ZFTA: variants seen among roughly 807,000 people sequenced by gnomAD.
ZFTA encodes zinc finger translocation associated.
Under a neutral mutation model 41.8 loss-of-function variants are expected in ZFTA, and 35 were observed. That is an observed-to-expected ratio of 0.84 (90% CI 0.64 to 1.11). ZFTA has a LOEUF of 1.11. Among genes scored for constraint, ZFTA ranks in the 50% most tolerant of loss-of-function variants. The pLI, the probability that ZFTA is intolerant of heterozygous loss-of-function variation, is 0.00. For synonymous variants in ZFTA, 514 were observed against 436.4 expected, an observed-to-expected ratio of 1.18 and a Z score of -2.22; for missense variants, 964 against 989.8, an observed-to-expected ratio of 0.97 and a Z score of 0.35.
At chr11:63,768,259 T>C (rs2014779135) in intron 1 of ZFTA, among the ~76,000 whole-genome samples, 1 of 148,654 alleles carries the variant, frequency 6.7e-6, no homozygotes, top group African/African-American at 2.5e-5. Flanking sequence ...AGCGGGGCCC[T>C]TTAAGGGGGA....
chr11:63,763,460 G>A lies in ZFTA; in HGVS notation c.1995C>T (p.Asp665=). 3.4e-6 allele frequency: 5 copies of A among 1,460,380 alleles called. No homozygotes were observed. The South Asian group carries it at 4.0e-5, about 12-fold the overall frequency. 90.5% of individuals were successfully genotyped at this position (1,460,380 alleles called of 1,614,324 possible). A position where few individuals can be genotyped will look rare whatever the true frequency, so the allele number is the denominator to read the frequency against. Residue 665 remains aspartate, a synonymous_variant, in exon 5 of 5, where the codon GAC becomes GAT. Coordinates refer to ENST00000433688, the MANE Select transcript of ZFTA (RefSeq NM_001144936.2). ...GFGPPAPAPR[D]GGADLKSGAV... is the part of the protein sequence containing the mutation. ...CGCCAGACTTGAGGTCCGCGCCGCC[G>A]TCACGCGGCGCCGGGGCGGGCGGCC...
At chr11:63,768,319 C>G (rs1302843181) in intron 1 of ZFTA, among the ~76,000 whole-genome samples, 165 bp downstream of exon 1, 1 of 149,658 alleles carries the variant, frequency 6.7e-6, no homozygotes, top group African/African-American at 2.4e-5. Context: ...GGGCGGGGGG[C>G]TCCCCCGCCA....
At chr11:63,767,727 T>C (rs1353309243) in intron 1 of ZFTA, among the ~76,000 whole-genome samples, 1 of 152,160 alleles carries the variant, frequency 6.6e-6, no homozygotes, top group Non-Finnish European at 1.5e-5. Context: ...GGCGTGACCC[T>C]GCAGCCGGGA....
intron 1 of ZFTA, 109 bp downstream of exon 1, chr11:63,768,375 C>T: frequency 1.5e-6 from 1 of 688,646 alleles, no homozygotes; most frequent in Middle Eastern, 6.9e-4. Context: ...CCCCCGGCCG[C>T]CCTGCCCGCG....
In ZFTA at chr11:63,762,869, C is replaced by A. The variant is rs1172011239; in HGVS notation, c.*549G>T. 1 of 152,130 alleles carries A rather than the reference C, an allele frequency of 6.6e-6. No individual in the cohort carries two copies. The highest frequency in any genetic ancestry group is 1.5e-5 in the Non-Finnish European group (1 of 68,012). 9.4% of individuals were successfully genotyped at this position (152,130 alleles called of 1,614,324 possible). A position where few individuals can be genotyped will look rare whatever the true frequency, so the allele number is the denominator to read the frequency against. Reference sequence around the variant, plus strand: ...TGCGGCCCAGCCTCCCGCTGGAAGCCCCAGTCCGCAGCCGGGGCCTCCGAG... The same window carrying A: ...TGCGGCCCAGCCTCCCGCTGGAAGCACCAGTCCGCAGCCGGGGCCTCCGAG... On this transcript the variant is annotated 3_prime_UTR_variant, in exon 5 of 5. Transcript: ENST00000433688.
Position 63,760,354 on chromosome 11 carries a change from A to C in ZFTA, c.*3064T>G, listed in dbSNP as rs1336839624. On this transcript the variant is annotated 3_prime_UTR_variant, in exon 5 of 5. Transcript: ENST00000433688. ...CTTCTCCTAAACTAAGGCTGCTGTG[A>C]CCCTTAAGCTGGCTTTTAAAAATGT... is the stretch of plus-strand genomic sequence containing the variant. 1 of 152,190 alleles carries C rather than the reference A, an allele frequency of 6.6e-6. No homozygotes were observed. Among genetic ancestry groups the C allele is most frequent in the African/African-American group, 2.4e-5 (1 of 41,450 alleles). 9.4% of individuals were successfully genotyped at this position (152,190 alleles called of 1,614,324 possible). A position where few individuals can be genotyped will look rare whatever the true frequency, so the allele number is the denominator to read the frequency against.
chr11:63,765,327 C>T lies in ZFTA; in HGVS notation c.638-73G>A. On this transcript the variant is annotated intron_variant, in intron 2 of 4. Coordinates refer to ENST00000433688, the MANE Select transcript of ZFTA (RefSeq NM_001144936.2). This position sits in a 1 kb window ranked among gnomAD's most constrained non-coding sequence, Gnocchi z 4.0. ...ATACCCACTACAGCCAGGTCTCCCACAAGCCTCTCACTCACTTGGGCCCCA... is the reference window on the plus strand; with the variant it reads ...ATACCCACTACAGCCAGGTCTCCCATAAGCCTCTCACTCACTTGGGCCCCA... 2.2e-6 allele frequency: 3 copies of T among 1,389,322 alleles called. No individual in the cohort carries two copies. The South Asian group carries it at 4.7e-5, about 22-fold the overall frequency. The allele number at this position is 1,389,322 out of a possible 1,614,324, so 86.1% of individuals were successfully genotyped here. A position where few individuals can be genotyped will look rare whatever the true frequency, so the allele number is the denominator to read the frequency against.
chr11:63,761,874 T>C lies in ZFTA; in HGVS notation c.*1544A>G, dbSNP rs952153948. 1 of 152,302 alleles carries C rather than the reference T, an allele frequency of 6.6e-6. No homozygotes were observed. Among genetic ancestry groups the C allele is most frequent in the Admixed American group, 6.5e-5 (1 of 15,286 alleles). 9.4% of individuals were successfully genotyped at this position (152,302 alleles called of 1,614,324 possible). A position where few individuals can be genotyped will look rare whatever the true frequency, so the allele number is the denominator to read the frequency against. On this transcript the variant is annotated 3_prime_UTR_variant, in exon 5 of 5. Transcript: ENST00000433688. ...GAGGAGGGGCCTCCTCTTTGCCCTC[T>C]GCTTTCCCACTCCTGGGCTCTGGCC...
chr11:63,768,425 G>T, intron 1 of ZFTA, 59 bp downstream of exon 1: 1 of 1,029,804 alleles, frequency 9.7e-7, no homozygotes, highest in Non-Finnish European at 1.2e-6. Context: ...GCCCCGAGCC[G>T]CAGCCCTCCC....
chr11:63,761,544 T>G lies in ZFTA; in HGVS notation c.*1874A>C, dbSNP rs548744962. 16 of 152,286 alleles carry G rather than the reference T, an allele frequency of 1.1e-4. No homozygotes were observed. Among genetic ancestry groups the G allele is most frequent in the African/African-American group, 3.6e-4 (15 of 41,538 alleles). 9.4% of individuals were successfully genotyped at this position (152,286 alleles called of 1,614,324 possible). A position where few individuals can be genotyped will look rare whatever the true frequency, so the allele number is the denominator to read the frequency against. ...AAATTTTAATAACTGACCAGCGAAT[T>G]GGGAAGCAGTGTGGCATCGTGCAAA... is the stretch of plus-strand genomic sequence containing the variant. On this transcript the variant is annotated 3_prime_UTR_variant, in exon 5 of 5. Coordinates refer to ENST00000433688, the MANE Select transcript of ZFTA (RefSeq NM_001144936.2).
chr11:63,762,654 TG>T lies in ZFTA; in HGVS notation c.*763del, dbSNP rs1280012532. On this transcript the variant is annotated 3_prime_UTR_variant, in exon 5 of 5. Transcript: ENST00000433688. ...GGGCAAGAGGAGCAAAGGAAAAAAG[TG>T]CTAATCCCTTTACAAGAGCTTTCCT... is the stretch of plus-strand genomic sequence containing the variant. 2 of 152,400 alleles carry T rather than the reference TG, an allele frequency of 1.3e-5. No homozygotes were observed. The highest frequency in any genetic ancestry group is 3.9e-4 in the East Asian group (2 of 5,172). The allele number at this position is 152,400 out of a possible 1,614,324, so 9.4% of individuals were successfully genotyped here.
rs542201250 is a variant in ZFTA at position 63,761,700 on chromosome 11, C to G, written c.*1718G>C. The G allele has an allele frequency of 6.6e-6, 1 of 152,322 alleles. No homozygotes were observed. Among genetic ancestry groups the G allele is most frequent in the South Asian group, 2.1e-4 (1 of 4,820 alleles). 9.4% of individuals were successfully genotyped at this position (152,322 alleles called of 1,614,324 possible). A position where few individuals can be genotyped will look rare whatever the true frequency, so the allele number is the denominator to read the frequency against. On this transcript the variant is annotated 3_prime_UTR_variant, in exon 5 of 5. Transcript: ENST00000433688. ...GTGAGGAGGGTAGTACTAGTGATCT[C>G]CAGGGCCCTTTCCAATTCTGACAAT...
Position 63,760,569 on chromosome 11 carries a change from A to T in ZFTA, c.*2849T>A, listed in dbSNP as rs1307823331. The T allele has an allele frequency of 6.6e-6, 1 of 152,242 alleles. No homozygotes were observed. The highest frequency in any genetic ancestry group is 1.5e-5 in the Non-Finnish European group (1 of 68,052). The allele number at this position is 152,242 out of a possible 1,614,324, so 9.4% of individuals were successfully genotyped here. A position where few individuals can be genotyped will look rare whatever the true frequency, so the allele number is the denominator to read the frequency against. On this transcript the variant is annotated 3_prime_UTR_variant, in exon 5 of 5. Coordinates refer to ENST00000433688, the MANE Select transcript of ZFTA (RefSeq NM_001144936.2). ...TACCATTAACAACAACAACAAAAAA[A>T]ATCATGAAGAGACTTCACCTGTTCA...
rs2014608500 is a variant in ZFTA at position 63,760,645 on chromosome 11, A to G, written c.*2773T>C. On this transcript the variant is annotated 3_prime_UTR_variant, in exon 5 of 5. Transcript: ENST00000433688. ...ACACCTAGGCAAGAGGGCCAACTCAACTTGCAACGTCTAACCTGTGAGGCC... is the reference window on the plus strand; with the variant it reads ...ACACCTAGGCAAGAGGGCCAACTCAGCTTGCAACGTCTAACCTGTGAGGCC... 1 of 152,230 alleles carries G rather than the reference A, an allele frequency of 6.6e-6. No individual in the cohort carries two copies. The highest frequency in any genetic ancestry group is 6.5e-5 in the Admixed American group (1 of 15,282). 9.4% of individuals were successfully genotyped at this position (152,230 alleles called of 1,614,324 possible).
chr11:63,766,756 C>T (rs1381175482), intron 1 of ZFTA, among the ~76,000 whole-genome samples: 1 of 152,110 alleles, frequency 6.6e-6, no homozygotes, highest in Non-Finnish European at 1.5e-5. Flanking sequence ...CCTGGGGCCC[C>T]CGCCAGGAGG....
chr11:63,768,707 C>A lies in ZFTA; in HGVS notation c.-85G>T. 1 of 571,070 alleles carries A rather than the reference C, an allele frequency of 1.8e-6. No homozygotes were observed. The highest frequency in any genetic ancestry group is 2.2e-6 in the Non-Finnish European group (1 of 455,332). 35.4% of individuals were successfully genotyped at this position (571,070 alleles called of 1,614,324 possible). ...CAGCCCGCGCGGAGCGCTCGCTGCG[C>A]GGGGCCCCGGGGCGCGGGGCGCATG... is the stretch of plus-strand genomic sequence containing the variant. On this transcript the variant is annotated 5_prime_UTR_variant, in exon 1 of 5. Transcript: ENST00000433688.
Position 63,768,468 on chromosome 11 carries a change from C to A in ZFTA, c.139+16G>T, listed in dbSNP as rs1468596204. On this transcript the variant is annotated intron_variant, in intron 1 of 4. Transcript: ENST00000433688. ...ACGCCGGGGCCCCCGCCCGGGCCGC[C>A]GGCCCCAGCTCTTACCGCCTTCGTC... 1.7e-5 allele frequency: 19 copies of A among 1,122,590 alleles called. No individual in the cohort carries two copies. Among genetic ancestry groups the A allele is most frequent in the Non-Finnish European group, 2.1e-5 (19 of 915,284 alleles). The allele number at this position is 1,122,590 out of a possible 1,614,324, so 69.5% of individuals were successfully genotyped here. A position where few individuals can be genotyped will look rare whatever the true frequency, so the allele number is the denominator to read the frequency against.
Position 63,765,262 on chromosome 11 carries a change from G to T in ZFTA, c.638-8C>A, listed in dbSNP as rs1042344790. Reference sequence around the variant, plus strand: ...CACCAGCTGGGGCTTTGCCTGAAAGGGTTGGAGGGAAGGAACTGAGACGCT... The same window carrying T: ...CACCAGCTGGGGCTTTGCCTGAAAGTGTTGGAGGGAAGGAACTGAGACGCT... On this transcript the variant is annotated splice_polypyrimidine_tract_variant and splice_region_variant and intron_variant, in intron 2 of 4. Transcript: ENST00000433688. This position sits in a 1 kb window ranked among gnomAD's most constrained non-coding sequence, Gnocchi z 4.0. The T allele has an allele frequency of 6.2e-6, 9 of 1,443,446 alleles. No individual in the cohort carries two copies. Among genetic ancestry groups the T allele is most frequent in the Non-Finnish European group, 4.5e-6 (5 of 1,105,260 alleles). The allele number at this position is 1,443,446 out of a possible 1,614,324, so 89.4% of individuals were successfully genotyped here.
rs1251398680 is a variant in ZFTA at position 63,765,207 on chromosome 11, GGCCCCCTCGCCGCTGGCGCCGGCA to G, written c.661_684del (p.Cys221_Gly228del). On this transcript the variant is annotated inframe_deletion, in exon 3 of 5. Transcript: ENST00000433688. This position sits in a 1 kb window ranked among gnomAD's most constrained non-coding sequence, Gnocchi z 4.0. Reference sequence around the variant, plus strand: ...AGACGCCGAGCCCGGGGTGCCACTGGGCCCCCTCGCCGCTGGCGCCGGCAGCCCCCACCAGCTGGGGCTTTGCCT... The same window carrying G: ...AGACGCCGAGCCCGGGGTGCCACTGGGCCCCCACCAGCTGGGGCTTTGCCT... 6.8e-7 allele frequency: 1 copy of G among 1,480,336 alleles called. No homozygotes were observed. Among genetic ancestry groups the G allele is most frequent in the African/African-American group, 1.4e-5 (1 of 69,400 alleles). The allele number at this position is 1,480,336 out of a possible 1,614,324, so 91.7% of individuals were successfully genotyped here. A position where few individuals can be genotyped will look rare whatever the true frequency, so the allele number is the denominator to read the frequency against.
Sources: allele counts gnomAD v4.1 joint callset (sites outside exome capture counted in the v4.1 genomes callset), GRCh38; gene constraint gnomAD v4.1.1; non-coding constraint Gnocchi (gnomAD v3.1); transcripts MANE v1.5; gene names NCBI Gene and HGNC (gene_info 2026-07-23, HGNC 2026-07-21).